Variants in YWHAH observed in about 807,000 individuals in gnomAD.
YWHAH encodes the protein tyrosine 3-monooxygenase/tryptophan 5-monooxygenase activation protein eta.
Under a neutral mutation model 22.9 loss-of-function variants are expected in YWHAH, and 6 were observed. That is an observed-to-expected ratio of 0.26 (90% CI 0.14 to 0.52). YWHAH has a LOEUF of 0.52. Among genes scored for constraint, YWHAH ranks in the 20% least tolerant of loss-of-function variants. The pLI is 0.97. For synonymous variants in YWHAH, 135 were observed against 124.5 expected, an observed-to-expected ratio of 1.08 and a Z score of -0.56; for missense variants, 173 against 308.6, an observed-to-expected ratio of 0.56 and a Z score of 3.29.
At chr22:31,954,544 A>T (rs1225253452) in intron 1 of YWHAH, among the ~76,000 whole-genome samples, 4 of 152,206 alleles carry the variant, frequency 2.6e-5, no homozygotes, top group African/African-American at 4.8e-5. Flanking sequence ...ATAGTTTAAA[A>T]TAATAAATGT....
intron 1 of YWHAH, among the ~76,000 whole-genome samples, chr22:31,953,013 A>G (rs1208437308): frequency 6.6e-6 from 1 of 152,208 alleles, no homozygotes; most frequent in Non-Finnish European, 1.5e-5. Flanking sequence ...TGGGTTTAAT[A>G]ATTATACCGC....
intron 1 of YWHAH, chr22:31,945,603 C>G: frequency 7.7e-7 from 1 of 1,302,506 alleles, no homozygotes; most frequent in Non-Finnish European, 1.0e-6. Flanking sequence ...AGCAAAATAC[C>G]GTGGGTCACA....
intron 1 of YWHAH, among the ~76,000 whole-genome samples, chr22:31,948,155 A>G (rs1264461673): frequency 1.3e-5 from 2 of 152,242 alleles, no homozygotes; most frequent in East Asian, 1.9e-4. Flanking sequence ...CCTGAGCCAC[A>G]GCGGCTCCCT....
At chr22:31,948,984 G>A (rs2093838972) in intron 1 of YWHAH, among the ~76,000 whole-genome samples, 1 of 152,110 alleles carries the variant, frequency 6.6e-6, no homozygotes, top group African/African-American at 2.4e-5. Context: ...TTTCTTTGGT[G>A]GGGATTTTCT....
chr22:31,947,272 C>G (rs186556330), intron 1 of YWHAH: 1 of 384,732 alleles, frequency 2.6e-6, no homozygotes, highest in East Asian at 7.3e-5. Flanking sequence ...TATTCTGATG[C>G]CACCAGTCTG....
At chr22:31,949,956 A>AT (rs34879732) in intron 1 of YWHAH, among the ~76,000 whole-genome samples, 36,941 of 149,030 alleles carry the variant, frequency 0.25, 5,424 homozygotes, top group Non-Finnish European at 0.32. Flanking sequence ...GGTGCAAGTC[A>AT]TTTTTTTTTT....
In YWHAH at chr22:31,956,932, TTGGGAAGC is replaced by T. The variant is rs1452424791; in HGVS notation, c.*141_*148del. ...CTACTCAGATCTGCACTCCTGTCTC[TTGGGAAGC>T]AGTTTCAGATAAATCATGGGCATTG... On this transcript the variant is annotated 3_prime_UTR_variant, in exon 2 of 2. Coordinates refer to ENST00000248975, the MANE Select transcript of YWHAH (RefSeq NM_003405.4). This position sits in a 1 kb window ranked among gnomAD's most constrained non-coding sequence, Gnocchi z 5.1. The T allele has an allele frequency of 1.5e-5, 17 of 1,116,112 alleles. No individual in the cohort carries two copies. The highest frequency in any genetic ancestry group is 1.9e-5 in the Non-Finnish European group (15 of 807,192). 69.1% of individuals were successfully genotyped at this position (1,116,112 alleles called of 1,614,324 possible).
At chr22:31,946,912 G>GC in intron 1 of YWHAH, among the ~76,000 whole-genome samples, 1 of 152,234 alleles carries the variant, frequency 6.6e-6, no homozygotes, top group Middle Eastern at 3.4e-3. Flanking sequence ...GTCAATCCAA[G>GC]CTTTAATTCT....
At chr22:31,944,925 C>T (rs1435533178) in intron 1 of YWHAH, 105 bp downstream of exon 1, 15 of 1,137,230 alleles carry the variant, frequency 1.3e-5, no homozygotes, top group Non-Finnish European at 1.6e-5. Flanking sequence ...GGCGACCCGG[C>T]GACCCGGCTG....
intron 1 of YWHAH, chr22:31,945,106 A>G (rs13055495): frequency 0.45 from 487,646 of 1,082,158 alleles, 114,762 homozygotes; most frequent in African/African-American, 0.79. Context: ...TTAGTTCGGA[A>G]CCCGGCCGGG....
At chr22:31,947,909 T>C (rs2093837211) in intron 1 of YWHAH, among the ~76,000 whole-genome samples, 1 of 152,278 alleles carries the variant, frequency 6.6e-6, no homozygotes, top group African/African-American at 2.4e-5. Context: ...CTAAGTCATC[T>C]ATTTTATATT....
intron 1 of YWHAH, among the ~76,000 whole-genome samples, chr22:31,951,734 C>T (rs990528344): frequency 4.6e-5 from 7 of 152,022 alleles, no homozygotes; most frequent in Non-Finnish European, 8.8e-5. Context: ...AGTCCTGGAG[C>T]AGAGAAAATG....
intron 1 of YWHAH, chr22:31,947,323 TATAAAAC>T: frequency 2.3e-6 from 1 of 434,490 alleles, no homozygotes; most frequent in Non-Finnish European, 4.8e-6. Flanking sequence ...TCCTCTGAAG[TATAAAAC>T]TAGTGATGTT....
Position 31,956,491 on chromosome 22 carries a change from T to C in YWHAH, c.440T>C (p.Val147Ala). The C allele has an allele frequency of 6.2e-7, 1 of 1,614,122 alleles. No homozygotes were observed. The highest frequency in any genetic ancestry group is 8.5e-7 in the Non-Finnish European group (1 of 1,180,016). Reference sequence around the variant, plus strand: ...TCTGGGGAGAAGAAAAACAGTGTGGTCGAAGCTTCTGAAGCTGCCTACAAG... The same window carrying C: ...TCTGGGGAGAAGAAAAACAGTGTGGCCGAAGCTTCTGAAGCTGCCTACAAG... The part of the protein sequence containing the change: ...VASGEKKNSV[V>A]EASEAAYKEA... The change falls in exon 2 of 2, where the codon GTC (valine) becomes GCC (alanine). Residue 147 changes from valine to alanine, a missense_variant. Coordinates refer to ENST00000248975, the MANE Select transcript of YWHAH (RefSeq NM_003405.4). The surrounding 1 kb of genome is among the most constrained non-coding windows in gnomAD (Gnocchi z 5.1).
At chr22:31,951,505 A>G (rs946668586) in intron 1 of YWHAH, among the ~76,000 whole-genome samples, 1 of 152,070 alleles carries the variant, frequency 6.6e-6, no homozygotes, top group African/African-American at 2.4e-5. Flanking sequence ...GTTACTTTTG[A>G]TGTTGGATGT....
At chr22:31,948,086 T>C (rs116424888) in intron 1 of YWHAH, among the ~76,000 whole-genome samples, 4,864 of 152,260 alleles carry the variant, frequency 0.032, 243 homozygotes, top group African/African-American at 0.1. Context: ...TTTTAATCAG[T>C]GTTGACCAGG....
intron 1 of YWHAH, chr22:31,950,257 C>T: frequency 1.3e-6 from 1 of 767,420 alleles, no homozygotes; most frequent in Non-Finnish European, 2.4e-6. Flanking sequence ...TATTTTTCTC[C>T]CTGCACCCTT....
In YWHAH at chr22:31,944,829, G is replaced by T; in HGVS notation, c.87+9G>T. 7.3e-7 allele frequency: 1 copy of T among 1,369,528 alleles called. No individual in the cohort carries two copies. The highest frequency in any genetic ancestry group is 9.5e-7 in the Non-Finnish European group (1 of 1,053,096). The allele number at this position is 1,369,528 out of a possible 1,614,324, so 84.8% of individuals were successfully genotyped here. A position where few individuals can be genotyped will look rare whatever the true frequency, so the allele number is the denominator to read the frequency against. On this transcript the variant is annotated intron_variant, in intron 1 of 1. Transcript: ENST00000248975. ...CCTCCGCTATGAAGGCGGTGAGCGC[G>T]CCGGGAGCCCGGGCGGCTGGCCGGG...
intron 1 of YWHAH, chr22:31,945,305 C>T: frequency 8.3e-7 from 1 of 1,205,832 alleles, no homozygotes; most frequent in Non-Finnish European, 1.1e-6. Flanking sequence ...ATCTGTTTTG[C>T]TCTGCTCGTT....
Sources: allele counts gnomAD v4.1 joint callset (sites outside exome capture counted in the v4.1 genomes callset), GRCh38; gene constraint gnomAD v4.1.1; non-coding constraint Gnocchi (gnomAD v3.1); transcripts MANE v1.5; gene names NCBI Gene and HGNC (gene_info 2026-07-23, HGNC 2026-07-21).